TAOK3: variants seen among roughly 807,000 people sequenced by gnomAD.
TAOK3 encodes TAO kinase 3.
Under a neutral mutation model 120.4 loss-of-function variants are expected in TAOK3, and 40 were observed. The observed-to-expected ratio is 0.33, with a 90% confidence interval of 0.26 to 0.43. The LOEUF is 0.43. Among genes scored for constraint, TAOK3 ranks in the 20% least tolerant of loss-of-function variants. TAOK3 has a pLI of 1.00. For synonymous variants in TAOK3, 355 were observed against 387.5 expected, an observed-to-expected ratio of 0.92 and a Z score of 0.99; for missense variants, 821 against 1,112.1, an observed-to-expected ratio of 0.74 and a Z score of 3.72.
chr12:118,172,277 C>T (rs752169070), intron 17 of TAOK3, among the ~76,000 whole-genome samples, 180 bp downstream of exon 17: 17 of 152,126 alleles, frequency 1.1e-4, no homozygotes, highest in Non-Finnish European at 2.4e-4. Context: ...AGTGGGCTTC[C>T]TCTTATCAAT....
intron 17 of TAOK3, 85 bp from the exon 18 acceptor site, chr12:118,162,112 GA>G: frequency 1.3e-6 from 2 of 1,512,966 alleles, no homozygotes; most frequent in Non-Finnish European, 1.8e-6. Context: ...GGAGGGCAAG[GA>G]ATGGCACTGC....
chr12:118,301,285 T>G (rs958988750), intron 1 of TAOK3, among the ~76,000 whole-genome samples: 1 of 151,902 alleles, frequency 6.6e-6, no homozygotes, highest in Non-Finnish European at 1.5e-5. Context: ...TGCAAAGAGG[T>G]GGAAACATCA....
chr12:118,295,022 G>T lies in TAOK3; in HGVS notation c.-193-28263C>A, dbSNP rs573848502. On this transcript the variant is annotated intron_variant, in intron 1 of 20. Coordinates refer to ENST00000392533, the MANE Select transcript of TAOK3 (RefSeq NM_016281.4). ...TAAATATGGAGTTCAGAAGTGAGGT[G>T]TAGACTGGAAATAGGAATTTGGGAA... Among the ~76,000 whole-genome samples the T allele has an allele frequency of 1.8e-4, 27 of 152,026 alleles. 1 individual carries two copies. The highest frequency in any genetic ancestry group is 3.4e-3 in the Middle Eastern group (1 of 294).
intron 1 of TAOK3, among the ~76,000 whole-genome samples, chr12:118,370,211 C>T (rs974572366): frequency 6.6e-6 from 1 of 152,186 alleles, no homozygotes. Flanking sequence ...AAGCTGCACA[C>T]TCTCTGAAGC....
At chr12:118,289,367 T>C (rs1327369925) in intron 1 of TAOK3, among the ~76,000 whole-genome samples, 1 of 151,916 alleles carries the variant, frequency 6.6e-6, no homozygotes, top group Non-Finnish European at 1.5e-5. Flanking sequence ...ACTGATCTTT[T>C]GATGATCCTT....
chr12:118,358,233 T>C (rs886898770), intron 1 of TAOK3, among the ~76,000 whole-genome samples: 6 of 152,236 alleles, frequency 3.9e-5, no homozygotes, highest in African/African-American at 1.4e-4. Context: ...AGTAGTCACA[T>C]AAATTGTTAA....
intron 15 of TAOK3, among the ~76,000 whole-genome samples, chr12:118,178,923 G>A (rs79886851): frequency 2.0e-5 from 3 of 152,144 alleles, no homozygotes; most frequent in African/African-American, 2.4e-5. Context: ...TAAGACGAGC[G>A]ACTTGGGAGA....
rs545978628 is a variant in TAOK3, at chr12:118,283,653, C to G, written c.-193-16894G>C. On this transcript the variant is annotated intron_variant, in intron 1 of 20. Coordinates refer to ENST00000392533, the MANE Select transcript of TAOK3 (RefSeq NM_016281.4). Reference sequence around the variant, plus strand: ...GCTGAGGCCGGAGAATTGCTTGAACCTGGGAGGCAGAGGTTGCAGTCAGCC... The same window carrying G: ...GCTGAGGCCGGAGAATTGCTTGAACGTGGGAGGCAGAGGTTGCAGTCAGCC... The G allele has an allele frequency of 3.3e-4, 52 of 158,836 alleles. No individual in the cohort carries two copies. The South Asian group carries it at 8.4e-3, about 26-fold the overall frequency. 9.8% of individuals were successfully genotyped at this position (158,836 alleles called of 1,614,324 possible).
intron 9 of TAOK3, among the ~76,000 whole-genome samples, chr12:118,215,330 C>CAAAAAAAAAAA: frequency 1.1e-5 from 1 of 89,640 alleles, no homozygotes; most frequent in Non-Finnish European, 2.1e-5. Context: ...CCCGTCTCTA[C>CAAAAAAAAAAA]AAAAAAAAAA....
Position 118,238,152 on chromosome 12 carries a change from G to C in TAOK3, c.358C>G (p.Gln120Glu). Residue 120 changes from glutamine (Q) to glutamate (E), a missense_variant, in exon 7 of 21, where the codon CAG (glutamine) becomes GAG (glutamate). Transcript: ENST00000392533. Reference protein sequence around the residue: ...DLLEVHKKPLQEVEIAAITHG... With the variant: ...DLLEVHKKPLEEVEIAAITHG... ...GTAATGGCAGCGATCTCCACTTCCT[G>C]AAGTGGTTTTTTATGAACTGAGGAA... 1 of 1,609,830 alleles carries C rather than the reference G, an allele frequency of 6.2e-7. No homozygotes were observed. Among genetic ancestry groups the C allele is most frequent in the Non-Finnish European group, 8.5e-7 (1 of 1,177,596 alleles).
At chr12:118,352,521 T>C (rs138701517) in intron 1 of TAOK3, among the ~76,000 whole-genome samples, 1 of 151,378 alleles carries the variant, frequency 6.6e-6, no homozygotes, top group Non-Finnish European at 1.5e-5. Flanking sequence ...AAAAAAATCA[T>C]ATATATACAC....
chr12:118,281,269 T>G (rs2042090563), intron 1 of TAOK3, among the ~76,000 whole-genome samples: 1 of 152,160 alleles, frequency 6.6e-6, no homozygotes, highest in Non-Finnish European at 1.5e-5. Flanking sequence ...GTTCTGGTTT[T>G]CAAGGGGAAT....
rs149973296 is a variant in TAOK3, at chr12:118,361,606, C to T, written c.-194+11042G>A. ...CAGAGTAGCTGGGATTACAGGCATG[C>T]ACCACCACATCCAGCTAATTTTTGT... On this transcript the variant is annotated intron_variant, in intron 1 of 20. Coordinates refer to ENST00000392533, the MANE Select transcript of TAOK3 (RefSeq NM_016281.4). Among the ~76,000 whole-genome samples the T allele has an allele frequency of 6.0e-3, 914 of 151,958 alleles. 4 individuals are homozygous for T. Among genetic ancestry groups the T allele is most frequent in the African/African-American group, 0.02 (847 of 41,418 alleles).
intron 9 of TAOK3, among the ~76,000 whole-genome samples, chr12:118,220,243 C>T (rs2039164340): frequency 6.6e-6 from 1 of 152,084 alleles, no homozygotes; most frequent in African/African-American, 2.4e-5. Flanking sequence ...CTTTGCTAAA[C>T]TTCATGAGGG....
chr12:118,324,486 T>C (rs1422835787), intron 1 of TAOK3, among the ~76,000 whole-genome samples: 2 of 152,200 alleles, frequency 1.3e-5, no homozygotes, highest in Non-Finnish European at 2.9e-5. Context: ...ATTCATTCCA[T>C]GTAACTATAC....
At chr12:118,324,494 T>A (rs1008846920) in intron 1 of TAOK3, among the ~76,000 whole-genome samples, 2 of 152,160 alleles carry the variant, frequency 1.3e-5, no homozygotes, top group Non-Finnish European at 2.9e-5. Context: ...CATGTAACTA[T>A]ACTTTTGTAC....
Position 118,170,790 on chromosome 12 carries a change from C to T in TAOK3, c.1899+1667G>A, listed in dbSNP as rs141052531. ...CAAAAAAATGTTCAGCAGCTCACAG[C>T]TCTCCCTCTTCCAATAAGACAGCAT... is the stretch of plus-strand genomic sequence containing the variant. On this transcript the variant is annotated intron_variant, in intron 17 of 20. Coordinates refer to ENST00000392533, the MANE Select transcript of TAOK3 (RefSeq NM_016281.4). Among the ~76,000 whole-genome samples, 9 of 152,196 alleles carry T rather than the reference C, an allele frequency of 5.9e-5. No homozygotes were observed. In the East Asian group the frequency reaches 1.4e-3, roughly 23 times the overall value.
chr12:118,274,869 A>G, intron 1 of TAOK3, among the ~76,000 whole-genome samples: 1 of 151,818 alleles, frequency 6.6e-6, no homozygotes, highest in East Asian at 1.9e-4. Context: ...CTGGCCTCCC[A>G]AAGTGCTGGG....
intron 13 of TAOK3, among the ~76,000 whole-genome samples, chr12:118,191,432 A>G (rs2139101423): frequency 6.6e-6 from 1 of 152,350 alleles, no homozygotes; most frequent in South Asian, 2.1e-4. Flanking sequence ...GTGACCAGCC[A>G]CATATGACTA....
Sources: allele counts gnomAD v4.1 joint callset (sites outside exome capture counted in the v4.1 genomes callset), GRCh38; gene constraint gnomAD v4.1.1; transcripts MANE v1.5; gene names NCBI Gene and HGNC (gene_info 2026-07-23, HGNC 2026-07-21).